PCNX1: variants seen among roughly 807,000 people sequenced by gnomAD.
The protein encoded by PCNX1 is pecanex-like protein 1.
Under a neutral mutation model 242.2 loss-of-function variants are expected in PCNX1, and 78 were observed. The ratio of observed to expected loss-of-function variants is 0.32; its 90% confidence interval spans 0.27 to 0.39. PCNX1 has a LOEUF of 0.39. Ranked by LOEUF, PCNX1 falls within the 10% of genes least tolerant of loss-of-function variation. The pLI, the probability that PCNX1 is intolerant of heterozygous loss-of-function variation, is 1.00. For synonymous variants in PCNX1, 1,024 were observed against 1,032.9 expected, an observed-to-expected ratio of 0.99 and a Z score of 0.17; for missense variants, 2,581 against 2,856.5, an observed-to-expected ratio of 0.90 and a Z score of 2.20.
At chr14:70,971,711 C>T (rs982152625) in intron 5 of PCNX1, among the ~76,000 whole-genome samples, 5 of 152,036 alleles carry the variant, frequency 3.3e-5, no homozygotes, top group South Asian at 2.1e-4. Context: ...TAGTTGAGGG[C>T]GGGCTTCTCT....
At chr14:71,067,719 C>T (rs1218598348) in intron 26 of PCNX1, among the ~76,000 whole-genome samples, 1 of 152,060 alleles carries the variant, frequency 6.6e-6, no homozygotes, top group Non-Finnish European at 1.5e-5. Flanking sequence ...TTTAGATCTT[C>T]TCTGCTCTCT....
At chr14:71,045,525 T>C (rs1355453101) in intron 20 of PCNX1, among the ~76,000 whole-genome samples, 1 of 152,190 alleles carries the variant, frequency 6.6e-6, no homozygotes, top group Non-Finnish European at 1.5e-5. Flanking sequence ...CCTCTCTAAA[T>C]TGTTCTTCAC....
intron 20 of PCNX1, 26 bp from the exon 21 acceptor site, chr14:71,046,938 A>T: frequency 6.3e-7 from 1 of 1,577,128 alleles, no homozygotes; most frequent in Non-Finnish European, 8.6e-7. Flanking sequence ...GATGACATGT[A>T]GTCTTGATTT....
intron 30 of PCNX1, among the ~76,000 whole-genome samples, chr14:71,089,949 G>A (rs2062086831): frequency 6.6e-6 from 1 of 152,166 alleles, no homozygotes; most frequent in Non-Finnish European, 1.5e-5. Flanking sequence ...GGCATGAAAT[G>A]TGAAGAAAAA....
In PCNX1 at chr14:71,111,854, G is replaced by A. The variant is rs2062758958; in HGVS notation, c.*1919G>A. 6.6e-6 allele frequency: 1 copy of A among 152,258 alleles called. No individual in the cohort carries two copies. The allele number at this position is 152,258 out of a possible 1,614,324, so 9.4% of individuals were successfully genotyped here. A position where few individuals can be genotyped will look rare whatever the true frequency, so the allele number is the denominator to read the frequency against. Reference sequence around the variant, plus strand: ...TGATTTACTGAACCTTTATACAAAAGTACCCTTTCTAAATTGACCATTTAA... The same window carrying A: ...TGATTTACTGAACCTTTATACAAAAATACCCTTTCTAAATTGACCATTTAA... On this transcript the variant is annotated 3_prime_UTR_variant, in exon 36 of 36. Coordinates refer to ENST00000304743, the MANE Select transcript of PCNX1 (RefSeq NM_014982.3).
At position 71,038,790 on chromosome 14, in the gene PCNX1, T is replaced by C. The variant is rs370775766; in HGVS notation, c.3867+2633T>C. On this transcript the variant is annotated intron_variant, in intron 19 of 35. Coordinates refer to ENST00000304743, the MANE Select transcript of PCNX1 (RefSeq NM_014982.3). ...ATGCACACGTATGTTTATTGTGGCA[T>C]TATTCACAATAGCAAAGACTTGGAA... Among the ~76,000 whole-genome samples, 7 of 151,764 alleles carry C rather than the reference T, an allele frequency of 4.6e-5. No homozygotes were observed. The East Asian group carries it at 5.8e-4, about 13-fold the overall frequency.
chr14:70,912,166 C>T (rs961996556), intron 1 of PCNX1, among the ~76,000 whole-genome samples: 1 of 150,884 alleles, frequency 6.6e-6, no homozygotes, highest in African/African-American at 2.4e-5. Flanking sequence ...ACCTGGGAGG[C>T]AGAGCTTGCA....
chr14:70,961,504 C>T (rs1200770496), intron 2 of PCNX1, among the ~76,000 whole-genome samples: 2 of 152,216 alleles, frequency 1.3e-5, no homozygotes, highest in African/African-American at 4.8e-5. Flanking sequence ...ACACCTTATA[C>T]AAAAATTAAT....
intron 5 of PCNX1, among the ~76,000 whole-genome samples, chr14:70,976,210 G>C (rs575265269): frequency 6.6e-6 from 1 of 152,188 alleles, no homozygotes; most frequent in South Asian, 2.1e-4. Flanking sequence ...GTTATTCCTT[G>C]CCTGTGACTC....
At chr14:70,930,039 G>C (rs368879116) in intron 1 of PCNX1, among the ~76,000 whole-genome samples, 19 of 151,938 alleles carry the variant, frequency 1.3e-4, no homozygotes, top group African/African-American at 4.3e-4. Context: ...TATTTGTTGG[G>C]TTTTTTTCTT....
At chr14:70,963,813 A>G (rs2058294555) in intron 3 of PCNX1, among the ~76,000 whole-genome samples, 1 of 152,222 alleles carries the variant, frequency 6.6e-6, no homozygotes, top group Admixed American at 6.5e-5. Flanking sequence ...AAAACAAGTT[A>G]GTATTCTAGT....
intron 2 of PCNX1, among the ~76,000 whole-genome samples, chr14:70,959,566 T>G (rs1470431736): frequency 6.6e-6 from 1 of 151,984 alleles, no homozygotes; most frequent in Non-Finnish European, 1.5e-5. Context: ...AACTCATCAT[T>G]TTTTATGGCT....
intron 2 of PCNX1, among the ~76,000 whole-genome samples, chr14:70,949,391 ATGTG>A (rs200851585): frequency 1.3e-3 from 106 of 84,102 alleles, no homozygotes; most frequent in Non-Finnish European, 2.4e-3. Flanking sequence ...GTATATACAT[ATGTG>A]TGTGTGTGTA....
Position 71,023,250 on chromosome 14 carries a change from T to TTACA in PCNX1, c.3183+18_3183+19insTACA. The TTACA allele has an allele frequency of 1.9e-6, 3 of 1,552,920 alleles. No homozygotes were observed. The highest frequency in any genetic ancestry group is 2.7e-6 in the Non-Finnish European group (3 of 1,124,716). ...CCAGACATGTAAGTCACTCTTAATA[T>TTACA]GGCTGTACATTATAGGTCCTTAACA... On this transcript the variant is annotated intron_variant, in intron 13 of 35. Transcript: ENST00000304743.
At chr14:71,059,237 A>C (rs4902875) in intron 26 of PCNX1, among the ~76,000 whole-genome samples, 232 of 152,316 alleles carry the variant, frequency 1.5e-3, no homozygotes, top group Non-Finnish European at 2.9e-3. Flanking sequence ...GAGTAGATTC[A>C]GATAAACTTT....
Position 71,019,052 on chromosome 14 carries a change from A to G in PCNX1, c.3040A>G (p.Ile1014Val), listed in dbSNP as rs142286781. ...LENVLAVILAILVAFLGSILL... is the reference protein window; with the variant it reads ...LENVLAVILAVLVAFLGSILL... ...AAATGTGTTAGCTGTCATCCTGGCT[A>G]TTCTCGTGGCCTTTTTGGGATCTAT... Residue 1014 changes from isoleucine (I) to valine (V), a missense_variant, in exon 12 of 36, where the codon ATT (isoleucine) becomes GTT (valine). Physicochemically the swap from Ile to Val is conservative, Grantham distance 29. Transcript: ENST00000304743. The G allele has an allele frequency of 2.6e-5, 42 of 1,613,186 alleles. No homozygotes were observed. In the African/African-American group the frequency reaches 4.7e-4, roughly 18 times the overall value.
At chr14:70,953,567 A>G (rs1595028151) in intron 2 of PCNX1, among the ~76,000 whole-genome samples, 1 of 150,832 alleles carries the variant, frequency 6.6e-6, no homozygotes, top group Non-Finnish European at 1.5e-5. Flanking sequence ...TGCTTTCCTT[A>G]AAGTTTCTTA....
chr14:70,991,417 G>A (rs919106634), intron 7 of PCNX1, among the ~76,000 whole-genome samples: 12 of 152,024 alleles, frequency 7.9e-5, no homozygotes, highest in Non-Finnish European at 1.6e-4. Context: ...TGCTGGCCAG[G>A]CTGGTCTTGA....
chr14:71,041,079 GA>G (rs1341163355), intron 19 of PCNX1, among the ~76,000 whole-genome samples: 1 of 152,048 alleles, frequency 6.6e-6, no homozygotes, highest in Non-Finnish European at 1.5e-5. Context: ...TTCATCTGTT[GA>G]TGGACGCTTA....
Sources: gnomAD v4.1 joint callset for allele counts (sites outside exome capture counted in the v4.1 genomes callset) on GRCh38, gnomAD v4.1.1 for gene constraint, MANE v1.5 for transcripts, NCBI Gene and HGNC (gene_info 2026-07-23, HGNC 2026-07-21) for gene names.